Variants in RBFOX1 observed in about 807,000 individuals in gnomAD.
RBFOX1 encodes the protein RNA binding protein fox-1 homolog 1.
Under a neutral mutation model 57.7 loss-of-function variants are expected in RBFOX1, and 8 were observed. That is an observed-to-expected ratio of 0.14 (90% confidence interval 0.08 to 0.25). RBFOX1 has a LOEUF of 0.25. RBFOX1 is among the 10% of genes least tolerant of loss of function. The pLI is 1.00. For missense variants in RBFOX1, 611 were observed against 548.5 expected, an observed-to-expected ratio of 1.11 and a Z score of -1.14; for synonymous variants, 326 against 222.4, an observed-to-expected ratio of 1.47 and a Z score of -4.15.
chr16:6,564,515 G>A (rs988710138), intron 2 of RBFOX1, among the ~76,000 whole-genome samples: 1 of 151,984 alleles, frequency 6.6e-6, no homozygotes, highest in Non-Finnish European at 1.5e-5. Flanking sequence ...TAAACCTGGG[G>A]GACACCGTGC....
intron 2 of RBFOX1, among the ~76,000 whole-genome samples, chr16:6,497,680 C>T (rs187076056): frequency 2.8e-3 from 433 of 152,140 alleles, no homozygotes; most frequent in African/African-American, 9.3e-3. Context: ...CCTCAGCCTC[C>T]TGAGTAGCTG....
At chr16:7,060,039 T>G (rs2053764348) in intron 4 of RBFOX1, among the ~76,000 whole-genome samples, 4 of 152,182 alleles carry the variant, frequency 2.6e-5, no homozygotes, top group Admixed American at 2.6e-4. Context: ...TGCAGTCAGA[T>G]TCTTTTCAAT....
At chr16:6,927,037 G>A (rs1042508058) in intron 3 of RBFOX1, among the ~76,000 whole-genome samples, 1 of 151,916 alleles carries the variant, frequency 6.6e-6, no homozygotes, top group Non-Finnish European at 1.5e-5. Context: ...TTAACCCTTC[G>A]TTACCTAAAT....
rs1366108983 is a variant in RBFOX1, at chr16:7,431,543, C to T, written c.28-86604C>T. On this transcript the variant is annotated intron_variant, in intron 4 of 15. Transcript: ENST00000550418. ...GCGTGAGCCACCGCGCCACTGTGCC[C>T]GGCTTAATATGTCTTTTATTTTTAA... 3.9e-5 allele frequency among the ~76,000 whole-genome samples: 6 copies of T among 152,026 alleles called. No homozygotes were observed. In the East Asian group the frequency reaches 5.8e-4, roughly 15 times the overall value.
chr16:7,038,461 G>A (rs1402619228), intron 3 of RBFOX1, among the ~76,000 whole-genome samples: 2 of 152,112 alleles, frequency 1.3e-5, no homozygotes, highest in African/African-American at 4.8e-5. Flanking sequence ...TAAATCTGGA[G>A]AATAAAAATG....
intron 1 of RBFOX1, among the ~76,000 whole-genome samples, chr16:6,257,982 T>C (rs1275899979): frequency 6.6e-6 from 1 of 152,122 alleles, no homozygotes; most frequent in Non-Finnish European, 1.5e-5. Context: ...TCTTTTTTGG[T>C]CTTTGAGGAA....
rs374554677 is a variant in RBFOX1 at position 6,221,864 on chromosome 16, T to G, written c.-126-95131T>G. Among the ~76,000 whole-genome samples the G allele has an allele frequency of 7.9e-5, 12 of 152,206 alleles. No individual in the cohort carries two copies. In the East Asian group the frequency reaches 9.6e-4, roughly 12 times the overall value. On this transcript the variant is annotated intron_variant, in intron 1 of 15. Coordinates refer to ENST00000550418, the MANE Select transcript of RBFOX1 (RefSeq NM_018723.4). The stretch of plus-strand genomic sequence containing the variant: ...CCCCATGATCCAGTTTTCTCCATTT[T>G]GTACCATCCTTGACCCAAGGGAATT...
intron 3 of RBFOX1, among the ~76,000 whole-genome samples, chr16:6,900,875 C>G (rs922804864): frequency 3.3e-5 from 5 of 152,170 alleles, no homozygotes; most frequent in Non-Finnish European, 7.3e-5. Context: ...ATGCAGGGAG[C>G]TACATATGTC....
chr16:7,446,474 C>T (rs1295511272), intron 4 of RBFOX1, among the ~76,000 whole-genome samples: 5 of 152,138 alleles, frequency 3.3e-5, no homozygotes, highest in African/African-American at 9.7e-5. Context: ...CTCACATTTG[C>T]CTGCCGCTGA....
chr16:6,176,631 G>T (rs1042219802), intron 1 of RBFOX1, among the ~76,000 whole-genome samples: 1 of 151,716 alleles, frequency 6.6e-6, no homozygotes, highest in African/African-American at 2.4e-5. Context: ...AATGTCAGTT[G>T]TAATAACAAT....
intron 3 of RBFOX1, among the ~76,000 whole-genome samples, chr16:5,813,261 C>T (rs1166267031): frequency 4.6e-5 from 7 of 152,166 alleles, no homozygotes; most frequent in African/African-American, 1.7e-4. Context: ...CTATTTCGGC[C>T]TCCCAAACCT....
chr16:5,893,869 A>C (rs2058099726), intron 4 of RBFOX1, among the ~76,000 whole-genome samples: 1 of 152,184 alleles, frequency 6.6e-6, no homozygotes, highest in African/African-American at 2.4e-5. Flanking sequence ...ACAAAAATTG[A>C]AGATTAAACA....
chr16:6,120,833 C>G (rs1026791718), intron 1 of RBFOX1, among the ~76,000 whole-genome samples: 3 of 152,134 alleles, frequency 2.0e-5, no homozygotes, highest in Admixed American at 1.3e-4. Flanking sequence ...GCCCCTCACT[C>G]TCTTTTTTAT....
At chr16:7,269,698 G>A (rs959509610) in intron 4 of RBFOX1, among the ~76,000 whole-genome samples, 1 of 152,034 alleles carries the variant, frequency 6.6e-6, no homozygotes, top group Non-Finnish European at 1.5e-5. Flanking sequence ...CTATTATTAA[G>A]AATAATGTCA....
At chr16:5,546,020 A>G (rs757186151) in intron 2 of RBFOX1, among the ~76,000 whole-genome samples, 20 of 152,312 alleles carry the variant, frequency 1.3e-4, no homozygotes, top group African/African-American at 2.2e-4. Context: ...TTGTATTTCT[A>G]TATAATAACA....
rs1035753260 is a variant in RBFOX1 at position 6,838,371 on chromosome 16, T to C, written c.-16+183721T>C. Among the ~76,000 whole-genome samples, 7 of 152,340 alleles carry C rather than the reference T, an allele frequency of 4.6e-5. No homozygotes were observed. The East Asian group carries it at 7.7e-4, about 17-fold the overall frequency. On this transcript the variant is annotated intron_variant, in intron 3 of 15. Coordinates refer to ENST00000550418, the MANE Select transcript of RBFOX1 (RefSeq NM_018723.4). ...AAGACCATTAACTCATTCTTTTTTA[T>C]GGCTGCATAATATTCCCTGGTGCAT...
chr16:7,315,389 A>G (rs574321443), intron 4 of RBFOX1, among the ~76,000 whole-genome samples: 3 of 151,802 alleles, frequency 2.0e-5, no homozygotes, highest in Non-Finnish European at 2.9e-5. Context: ...TCATTTTAGT[A>G]GAATTCTGAA....
chr16:6,542,594 A>G (rs1288324075), intron 2 of RBFOX1, among the ~76,000 whole-genome samples: 1 of 139,354 alleles, frequency 7.2e-6, no homozygotes. Context: ...GGTTCACGCC[A>G]TTCTCCTGCC....
intron 2 of RBFOX1, among the ~76,000 whole-genome samples, chr16:6,524,691 T>C (rs1447078870): frequency 6.6e-6 from 1 of 152,176 alleles, no homozygotes; most frequent in Non-Finnish European, 1.5e-5. Context: ...AGATGTCTGC[T>C]GGGCCATGCT....
Sources: gnomAD v4.1 joint callset for allele counts (sites outside exome capture counted in the v4.1 genomes callset) on GRCh38, gnomAD v4.1.1 for gene constraint, MANE v1.5 for transcripts, NCBI Gene and HGNC (gene_info 2026-07-23, HGNC 2026-07-21) for gene names.